The following RAP2B variants were observed in gnomAD, a reference collection of about 807,000 sequenced individuals.
RAP2B encodes ras-related protein Rap-2b.
A neutral mutation model predicts 14.4 loss-of-function variants in RAP2B; 6 were observed. The ratio of observed to expected loss-of-function variants is 0.42; its 90% CI spans 0.23 to 0.82. The LOEUF is 0.82. RAP2B is among the 40% of genes least tolerant of loss of function. The pLI is 0.30. For missense variants in RAP2B, 137 were observed against 248.2 expected (o/e 0.55, Z 3.01); for synonymous variants, 118 against 113.2 (o/e 1.04, Z -0.27).
In RAP2B at chr3:153,169,056, A is replaced by T. The variant is rs1242013651; in HGVS notation, c.*5811A>T. On this transcript the variant is annotated 3_prime_UTR_variant, in exon 1 of 1. Coordinates refer to ENST00000323534, the MANE Select transcript of RAP2B (RefSeq NM_002886.4). ...GTCCTATACTATGAATTTATTTGCC[A>T]TATATAAGACAATCAGAATTATCTG... is the stretch of plus-strand genomic sequence containing the variant. The T allele has an allele frequency of 6.6e-6, 1 of 152,232 alleles. No homozygotes were observed. The highest frequency in any genetic ancestry group is 2.4e-5 in the African/African-American group (1 of 41,454). 9.4% of individuals were successfully genotyped at this position (152,232 alleles called of 1,614,324 possible).
rs1299193342 is a variant in RAP2B, at chr3:153,169,619, T to A, written c.*6374T>A. ...CACCACCACGCCCGCCTAATTTTTG[T>A]ATTTTTAGTAGAGATGGGGTTTCAC... On this transcript the variant is annotated 3_prime_UTR_variant, in exon 1 of 1. Transcript: ENST00000323534. 3 of 152,240 alleles carry A rather than the reference T, an allele frequency of 2.0e-5. No individual in the cohort carries two copies. Among genetic ancestry groups the A allele is most frequent in the African/African-American group, 4.8e-5 (2 of 41,410 alleles). The allele number at this position is 152,240 out of a possible 1,614,324, so 9.4% of individuals were successfully genotyped here.
rs1162905301 is a variant in RAP2B at position 153,169,745 on chromosome 3, G to C, written c.*6500G>C. On this transcript the variant is annotated 3_prime_UTR_variant, in exon 1 of 1. Coordinates refer to ENST00000323534, the MANE Select transcript of RAP2B (RefSeq NM_002886.4). ...GGCGTGAGCCACTGCACCCGGCTGA[G>C]ATGATAATTTTATTTAAAAAAAAAA... The C allele has an allele frequency of 6.6e-6, 1 of 151,826 alleles. No homozygotes were observed. Among genetic ancestry groups the C allele is most frequent in the East Asian group, 1.9e-4 (1 of 5,162 alleles). The allele number at this position is 151,826 out of a possible 1,614,324, so 9.4% of individuals were successfully genotyped here. A position where few individuals can be genotyped will look rare whatever the true frequency, so the allele number is the denominator to read the frequency against.
In RAP2B at chr3:153,162,555, G is replaced by A; in HGVS notation, c.-139G>A. 1.9e-6 allele frequency: 2 copies of A among 1,080,784 alleles called. No homozygotes were observed. Among genetic ancestry groups the A allele is most frequent in the East Asian group, 5.5e-5 (2 of 36,250 alleles). 66.9% of individuals were successfully genotyped at this position (1,080,784 alleles called of 1,614,324 possible). ...CTCCGTTCGGTGGTTTCCGCCCTGC[G>A]TTCTCTGGGTTGCTCTCTCCTGGGT... On this transcript the variant is annotated 5_prime_UTR_variant, in exon 1 of 1. Coordinates refer to ENST00000323534, the MANE Select transcript of RAP2B (RefSeq NM_002886.4). The surrounding 1 kb of genome is among the most constrained non-coding windows in gnomAD (Gnocchi z 4.9).
In RAP2B at chr3:153,168,515, C is replaced by T. The variant is rs1325538556; in HGVS notation, c.*5270C>T. 1 of 161,798 alleles carries T rather than the reference C, an allele frequency of 6.2e-6. No individual in the cohort carries two copies. The highest frequency in any genetic ancestry group is 1.5e-5 in the Non-Finnish European group (1 of 68,086). 10.0% of individuals were successfully genotyped at this position (161,798 alleles called of 1,614,324 possible). A position where few individuals can be genotyped will look rare whatever the true frequency, so the allele number is the denominator to read the frequency against. The stretch of plus-strand genomic sequence containing the variant: ...ACCCTGTTGTTGTTACTGTTATTTT[C>T]ATAGCACAGTAGTCTACAGCTCTCT... On this transcript the variant is annotated 3_prime_UTR_variant, in exon 1 of 1. Coordinates refer to ENST00000323534, the MANE Select transcript of RAP2B (RefSeq NM_002886.4).
In RAP2B at chr3:153,164,640, C is replaced by T. The variant is rs1274381505; in HGVS notation, c.*1395C>T. The T allele has an allele frequency of 6.0e-6, 1 of 167,008 alleles. No individual in the cohort carries two copies. The highest frequency in any genetic ancestry group is 2.4e-5 in the African/African-American group (1 of 41,428). The allele number at this position is 167,008 out of a possible 1,614,324, so 10.3% of individuals were successfully genotyped here. A position where few individuals can be genotyped will look rare whatever the true frequency, so the allele number is the denominator to read the frequency against. On this transcript the variant is annotated 3_prime_UTR_variant, in exon 1 of 1. Coordinates refer to ENST00000323534, the MANE Select transcript of RAP2B (RefSeq NM_002886.4). ...TACTGTTGTGATGTACCAATTCTAA[C>T]TAATTGTAATTTTTAATTTCATGCG...
rs770459185 is a variant in RAP2B at position 153,162,715 on chromosome 3, G to A, written c.22G>A (p.Val8Met). 1.9e-6 allele frequency: 3 copies of A among 1,612,894 alleles called. No homozygotes were observed. Among genetic ancestry groups the A allele is most frequent in the South Asian group, 1.1e-5 (1 of 91,060 alleles). ...AGCCATGAGAGAGTACAAAGTGGTG[G>A]TGCTGGGCTCGGGCGGCGTGGGCAA... MREYKVV[V>M]LGSGGVGKSA... The change falls in exon 1 of 1, where the codon GTG (valine) becomes ATG (methionine). Residue 8 changes from valine to methionine, a missense_variant. Physicochemically the swap from Val to Met is conservative, Grantham distance 21 (BLOSUM62 1). This residue lies in a region of RAP2B where 31 missense variants were observed against 104.7 expected (regional missense o/e 0.30). Transcript: ENST00000323534. The surrounding 1 kb of genome is among the most constrained non-coding windows in gnomAD (Gnocchi z 4.9).
rs903319724 is a variant in RAP2B, at chr3:153,168,946, C to G, written c.*5701C>G. 1.2e-4 allele frequency: 19 copies of G among 152,136 alleles called. No homozygotes were observed. The highest frequency in any genetic ancestry group is 2.5e-4 in the Non-Finnish European group (17 of 68,032). 9.4% of individuals were successfully genotyped at this position (152,136 alleles called of 1,614,324 possible). A position where few individuals can be genotyped will look rare whatever the true frequency, so the allele number is the denominator to read the frequency against. On this transcript the variant is annotated 3_prime_UTR_variant, in exon 1 of 1. Coordinates refer to ENST00000323534, the MANE Select transcript of RAP2B (RefSeq NM_002886.4). ...TTTCATTTTACGGTTATTTCTACTA[C>G]TGTTAATATGGACTAATACTTGATT... is the stretch of plus-strand genomic sequence containing the variant.
Position 153,167,267 on chromosome 3 carries a change from T to C in RAP2B, c.*4022T>C, listed in dbSNP as rs184967621. The C allele has an allele frequency of 2.4e-5, 4 of 167,152 alleles. No homozygotes were observed. The East Asian group carries it at 7.7e-4, about 32-fold the overall frequency. 10.4% of individuals were successfully genotyped at this position (167,152 alleles called of 1,614,324 possible). The stretch of plus-strand genomic sequence containing the variant: ...CAGAGCTAGTTCTAGGTGAGTGAGA[T>C]CTTTATCTATTAACTGGATTTTGAA... On this transcript the variant is annotated 3_prime_UTR_variant, in exon 1 of 1. Coordinates refer to ENST00000323534, the MANE Select transcript of RAP2B (RefSeq NM_002886.4).
At position 153,164,092 on chromosome 3, in the gene RAP2B, AT is replaced by A. The variant is rs1295840938; in HGVS notation, c.*848del. The A allele has an allele frequency of 1.2e-5, 2 of 166,636 alleles. No individual in the cohort carries two copies. The highest frequency in any genetic ancestry group is 3.9e-4 in the East Asian group (2 of 5,188). The allele number at this position is 166,636 out of a possible 1,614,324, so 10.3% of individuals were successfully genotyped here. A position where few individuals can be genotyped will look rare whatever the true frequency, so the allele number is the denominator to read the frequency against. On this transcript the variant is annotated 3_prime_UTR_variant, in exon 1 of 1. Coordinates refer to ENST00000323534, the MANE Select transcript of RAP2B (RefSeq NM_002886.4). Reference sequence around the variant, plus strand: ...TTTTTTTTTATCAGCTGTGAAAAAAATGTTACAGATCTGCACATTTTCGTGT... The same window carrying A: ...TTTTTTTTTATCAGCTGTGAAAAAAAGTTACAGATCTGCACATTTTCGTGT...
chr3:153,162,882 G>A lies in RAP2B; in HGVS notation c.189G>A (p.Gln63=). The A allele has an allele frequency of 3.1e-6, 5 of 1,614,004 alleles. No homozygotes were observed. The highest frequency in any genetic ancestry group is 4.2e-6 in the Non-Finnish European group (5 of 1,180,032). ...LEILDTAGTE[Q]FASMRDLYIK... is the part of the protein sequence containing the mutation. ...TCCTGGATACGGCGGGCACCGAGCA[G>A]TTCGCGTCCATGCGGGACCTGTACA... Residue 63 remains glutamine, a synonymous_variant, in exon 1 of 1, where the codon CAG becomes CAA. Transcript: ENST00000323534. This position sits in a 1 kb window ranked among gnomAD's most constrained non-coding sequence, Gnocchi z 4.9.
chr3:153,164,671 T>A lies in RAP2B; in HGVS notation c.*1426T>A, dbSNP rs1401023779. 1 of 167,116 alleles carries A rather than the reference T, an allele frequency of 6.0e-6. No homozygotes were observed. The highest frequency in any genetic ancestry group is 6.5e-5 in the Admixed American group (1 of 15,290). The allele number at this position is 167,116 out of a possible 1,614,324, so 10.4% of individuals were successfully genotyped here. A position where few individuals can be genotyped will look rare whatever the true frequency, so the allele number is the denominator to read the frequency against. On this transcript the variant is annotated 3_prime_UTR_variant, in exon 1 of 1. Coordinates refer to ENST00000323534, the MANE Select transcript of RAP2B (RefSeq NM_002886.4). ...GTAATTTTTAATTTCATGCGTTTAA[T>A]CATTGTCTCTTCATTTTAAGACTTT...
At position 153,169,936 on chromosome 3, in the gene RAP2B, TTGAG is replaced by T. The variant is rs2108018019; in HGVS notation, c.*6692_*6695del. Reference sequence around the variant, plus strand: ...GCCTTAATTAGTGAAATGGTTTGTTTTGAGAAGCAGAAATGACTAAGTGGTATAG... The same window carrying T: ...GCCTTAATTAGTGAAATGGTTTGTTTAAGCAGAAATGACTAAGTGGTATAG... On this transcript the variant is annotated 3_prime_UTR_variant, in exon 1 of 1. Transcript: ENST00000323534. 6.6e-6 allele frequency: 1 copy of T among 152,320 alleles called. No individual in the cohort carries two copies. The highest frequency in any genetic ancestry group is 2.4e-5 in the African/African-American group (1 of 41,558). 9.4% of individuals were successfully genotyped at this position (152,320 alleles called of 1,614,324 possible).
Position 153,163,293 on chromosome 3 carries a change from A to G in RAP2B, c.*48A>G. 1 of 1,485,960 alleles carries G rather than the reference A, an allele frequency of 6.7e-7. No homozygotes were observed. Among genetic ancestry groups the G allele is most frequent in the South Asian group, 1.4e-5 (1 of 72,044 alleles). The allele number at this position is 1,485,960 out of a possible 1,614,324, so 92.0% of individuals were successfully genotyped here. A position where few individuals can be genotyped will look rare whatever the true frequency, so the allele number is the denominator to read the frequency against. ...CGCTCTGCGCACAAAAGCCAAACGC[A>G]TCCGACTCTCTAAATGTGATTTATT... On this transcript the variant is annotated 3_prime_UTR_variant, in exon 1 of 1. Coordinates refer to ENST00000323534, the MANE Select transcript of RAP2B (RefSeq NM_002886.4).
rs967162660 is a variant in RAP2B, at chr3:153,167,676, T to G, written c.*4431T>G. 2.4e-5 allele frequency: 4 copies of G among 167,098 alleles called. No homozygotes were observed. Among genetic ancestry groups the G allele is most frequent in the Admixed American group, 2.0e-4 (3 of 15,292 alleles). 10.4% of individuals were successfully genotyped at this position (167,098 alleles called of 1,614,324 possible). A position where few individuals can be genotyped will look rare whatever the true frequency, so the allele number is the denominator to read the frequency against. ...ATACCATTTATACTAAGACTAACTG[T>G]TGTGTGTGAAATAGAATAAACATTG... On this transcript the variant is annotated 3_prime_UTR_variant, in exon 1 of 1. Coordinates refer to ENST00000323534, the MANE Select transcript of RAP2B (RefSeq NM_002886.4).
chr3:153,164,078 C>T lies in RAP2B; in HGVS notation c.*833C>T, dbSNP rs1214501517. On this transcript the variant is annotated 3_prime_UTR_variant, in exon 1 of 1. Transcript: ENST00000323534. The stretch of plus-strand genomic sequence containing the variant: ...GAATGGTAGTATTTTTTTTTTTTAT[C>T]AGCTGTGAAAAAAATGTTACAGATC... 3.7e-5 allele frequency: 6 copies of T among 163,500 alleles called. No individual in the cohort carries two copies. Among genetic ancestry groups the T allele is most frequent in the African/African-American group, 1.2e-4 (5 of 40,212 alleles). 10.1% of individuals were successfully genotyped at this position (163,500 alleles called of 1,614,324 possible). A position where few individuals can be genotyped will look rare whatever the true frequency, so the allele number is the denominator to read the frequency against.
rs889019115 is a variant in RAP2B at position 153,164,825 on chromosome 3, C to A, written c.*1580C>A. 1 of 167,060 alleles carries A rather than the reference C, an allele frequency of 6.0e-6. No individual in the cohort carries two copies. The highest frequency in any genetic ancestry group is 1.5e-5 in the Non-Finnish European group (1 of 68,128). 10.3% of individuals were successfully genotyped at this position (167,060 alleles called of 1,614,324 possible). ...GGCAGGTGCATGATACTCTTCAGAG[C>A]TATTTGTGAAATTTTAAAGACAGAA... On this transcript the variant is annotated 3_prime_UTR_variant, in exon 1 of 1. Transcript: ENST00000323534.
Position 153,163,323 on chromosome 3 carries a change from G to C in RAP2B, c.*78G>C. On this transcript the variant is annotated 3_prime_UTR_variant, in exon 1 of 1. Transcript: ENST00000323534. ...ACTCTCTAAATGTGATTTATTTCTT[G>C]CTTTGAGATTGGAGACCACTTTGCA... The C allele has an allele frequency of 2.1e-6, 3 of 1,456,712 alleles. No homozygotes were observed. The highest frequency in any genetic ancestry group is 2.7e-6 in the Non-Finnish European group (3 of 1,104,054). The allele number at this position is 1,456,712 out of a possible 1,614,324, so 90.2% of individuals were successfully genotyped here. A position where few individuals can be genotyped will look rare whatever the true frequency, so the allele number is the denominator to read the frequency against.
rs1713645319 is a variant in RAP2B at position 153,168,687 on chromosome 3, G to C, written c.*5442G>C. ...GATAGATTTATTAAGATTGTCTTTG[G>C]AGCTATGTCTTCCATTCCAACTATA... On this transcript the variant is annotated 3_prime_UTR_variant, in exon 1 of 1. Coordinates refer to ENST00000323534, the MANE Select transcript of RAP2B (RefSeq NM_002886.4). The C allele has an allele frequency of 6.6e-6, 1 of 152,118 alleles. No homozygotes were observed. Among genetic ancestry groups the C allele is most frequent in the Non-Finnish European group, 1.5e-5 (1 of 68,024 alleles). 9.4% of individuals were successfully genotyped at this position (152,118 alleles called of 1,614,324 possible). A position where few individuals can be genotyped will look rare whatever the true frequency, so the allele number is the denominator to read the frequency against.
rs961050337 is a variant in RAP2B at position 153,168,306 on chromosome 3, T to C, written c.*5061T>C. ...ACAATTTAGAAAGTTTAGTACCAGT[T>C]TATAGACTGAGGGAGTAGTAGCTAC... On this transcript the variant is annotated 3_prime_UTR_variant, in exon 1 of 1. Transcript: ENST00000323534. The C allele has an allele frequency of 6.0e-6, 1 of 167,002 alleles. No homozygotes were observed. Among genetic ancestry groups the C allele is most frequent in the African/African-American group, 2.4e-5 (1 of 41,432 alleles). 10.3% of individuals were successfully genotyped at this position (167,002 alleles called of 1,614,324 possible). A position where few individuals can be genotyped will look rare whatever the true frequency, so the allele number is the denominator to read the frequency against.
Sources: allele counts gnomAD v4.1 joint callset, GRCh38; gene constraint gnomAD v4.1.1; regional missense constraint gnomAD v4.1.1; non-coding constraint Gnocchi (gnomAD v3.1); transcripts MANE v1.5; gene names NCBI Gene and HGNC (gene_info 2026-07-23, HGNC 2026-07-21).